ATXN1: variants seen among roughly 807,000 people sequenced by gnomAD.
The protein encoded by ATXN1 is ataxin-1.
In ATXN1, 8 loss-of-function variants were observed where a neutral mutation model predicts 56.4. The ratio of observed to expected loss-of-function variants is 0.14; its 90% CI spans 0.08 to 0.26. ATXN1 has a LOEUF of 0.26. Among genes scored for constraint, ATXN1 ranks in the 10% least tolerant of loss-of-function variants. The probability of loss-of-function intolerance (pLI) is 1.00; values close to 1 mark genes in which losing one functional copy is unlikely to be tolerated. For synonymous variants in ATXN1, 514 were observed against 494.6 expected, an observed-to-expected ratio of 1.04 and a Z score of -0.52; for missense variants, 987 against 1,106.5, an observed-to-expected ratio of 0.89 and a Z score of 1.53.
At chr6:16,688,547 C>A (rs1364177395) in intron 2 of ATXN1, among the ~76,000 whole-genome samples, 1 of 152,156 alleles carries the variant, frequency 6.6e-6, no homozygotes, top group Non-Finnish European at 1.5e-5. Context: ...GATGAAGTAC[C>A]TGCTTAACAC....
At chr6:16,348,989 AATTC>A (rs1761508913) in intron 6 of ATXN1, among the ~76,000 whole-genome samples, 1 of 152,168 alleles carries the variant, frequency 6.6e-6, no homozygotes, top group Non-Finnish European at 1.5e-5. Context: ...AGGCCTAACT[AATTC>A]ATTTCTCTGT....
intron 4 of ATXN1, among the ~76,000 whole-genome samples, chr6:16,552,454 G>C (rs1394426295): frequency 6.6e-6 from 1 of 152,194 alleles, no homozygotes; most frequent in East Asian, 1.9e-4. Context: ...CGTTACGTTA[G>C]CAGAGAGAAG....
chr6:16,324,633 G>C (rs1019097237), intron 7 of ATXN1, among the ~76,000 whole-genome samples: 5 of 152,170 alleles, frequency 3.3e-5, no homozygotes, highest in African/African-American at 1.2e-4. Context: ...CTTGTAGAAA[G>C]TACGCTCGAT....
chr6:16,544,611 G>A (rs937007382), intron 4 of ATXN1, among the ~76,000 whole-genome samples: 6 of 152,098 alleles, frequency 3.9e-5, no homozygotes, highest in East Asian at 1.9e-4. Flanking sequence ...TTCCAGGCGC[G>A]TTGGCGTGTT....
chr6:16,399,279 AT>A (rs1417013748), intron 6 of ATXN1, among the ~76,000 whole-genome samples: 1 of 152,164 alleles, frequency 6.6e-6, no homozygotes, highest in Non-Finnish European at 1.5e-5. Flanking sequence ...TGGAGTTTCC[AT>A]TTTATCTCAG....
intron 4 of ATXN1, among the ~76,000 whole-genome samples, chr6:16,544,711 A>C (rs1437913547): frequency 6.6e-6 from 1 of 152,204 alleles, no homozygotes; most frequent in Non-Finnish European, 1.5e-5. Context: ...AGCAGCAGCG[A>C]CCATGCAGGC....
chr6:16,644,672 T>TC (rs1453342544), intron 3 of ATXN1, among the ~76,000 whole-genome samples: 3 of 151,964 alleles, frequency 2.0e-5, no homozygotes, highest in African/African-American at 7.3e-5. Context: ...GATAGCCTGG[T>TC]CCCTGAGACA....
intron 6 of ATXN1, among the ~76,000 whole-genome samples, chr6:16,343,238 G>A (rs939554297): frequency 1.6e-4 from 24 of 152,120 alleles, no homozygotes; most frequent in African/African-American, 4.8e-4. Flanking sequence ...CCAGCTACTC[G>A]AGAGGCTGAG....
chr6:16,358,149 TA>T (rs1263179288), intron 6 of ATXN1, among the ~76,000 whole-genome samples: 1 of 151,848 alleles, frequency 6.6e-6, no homozygotes, highest in Non-Finnish European at 1.5e-5. Flanking sequence ...ATGGCCATAA[TA>T]AAAAAAATGA....
intron 5 of ATXN1, among the ~76,000 whole-genome samples, chr6:16,504,634 A>G (rs1335669963): frequency 6.6e-6 from 1 of 152,216 alleles, no homozygotes; most frequent in Non-Finnish European, 1.5e-5. Context: ...GCAAAGAAGG[A>G]AAAGGACTTG....
At chr6:16,567,535 C>T (rs1456067283) in intron 4 of ATXN1, among the ~76,000 whole-genome samples, 1 of 152,202 alleles carries the variant, frequency 6.6e-6, no homozygotes, top group Non-Finnish European at 1.5e-5. Context: ...GCACATCACC[C>T]TGACAATCTA....
chr6:16,611,301 G>A (rs1763101389), intron 3 of ATXN1, among the ~76,000 whole-genome samples: 1 of 152,004 alleles, frequency 6.6e-6, no homozygotes, highest in South Asian at 2.1e-4. Context: ...CAGAAATATA[G>A]GTCATATTTA....
chr6:16,394,875 A>G (rs146427563), intron 6 of ATXN1, among the ~76,000 whole-genome samples: 1 of 152,312 alleles, frequency 6.6e-6, no homozygotes, highest in Non-Finnish European at 1.5e-5. Flanking sequence ...AATTCATGGT[A>G]TAACTTTGTA....
intron 4 of ATXN1, among the ~76,000 whole-genome samples, chr6:16,533,448 T>C (rs1761541790): frequency 6.6e-6 from 1 of 152,194 alleles, no homozygotes; most frequent in African/African-American, 2.4e-5. Flanking sequence ...GAGAGCTCCT[T>C]TGATTCAGAG....
chr6:16,674,507 G>A (rs1260595605), intron 2 of ATXN1, among the ~76,000 whole-genome samples: 2 of 147,846 alleles, frequency 1.4e-5, no homozygotes, highest in African/African-American at 2.6e-5. Context: ...CCACCACCAC[G>A]CCCAGCTAAT....
chr6:16,505,495 T>A (rs1017716211), intron 5 of ATXN1, among the ~76,000 whole-genome samples: 1 of 152,156 alleles, frequency 6.6e-6, no homozygotes, highest in Non-Finnish European at 1.5e-5. Flanking sequence ...TATGGAAGGT[T>A]AAGTGCACTG....
At chr6:16,346,854 CT>C (rs1438722946) in intron 6 of ATXN1, among the ~76,000 whole-genome samples, 38 of 152,350 alleles carry the variant, frequency 2.5e-4, no homozygotes, top group South Asian at 1.0e-3. Flanking sequence ...CCAGAGCCGG[CT>C]CCCTCAGCTT....
rs567302225 is a variant in ATXN1, at chr6:16,632,471, G to A, written c.-489+25305C>T. 4.3e-4 allele frequency among the ~76,000 whole-genome samples: 66 copies of A among 152,252 alleles called. 1 individual carries two copies. The highest frequency in any genetic ancestry group is 1.2e-3 in the South Asian group (6 of 4,824). ...TCTTTGCTCTCCAAAGTTTTGATTT[G>A]AATTCACACAGGCAAGATTCTTGTC... On this transcript the variant is annotated intron_variant, in intron 3 of 7. Transcript: ENST00000436367.
intron 2 of ATXN1, among the ~76,000 whole-genome samples, chr6:16,695,488 T>C (rs569787634): frequency 3.1e-4 from 47 of 152,234 alleles, no homozygotes; most frequent in African/African-American, 1.1e-3. Context: ...GGTCATCATC[T>C]CCCAGGTACC....
Sources: allele counts gnomAD v4.1 joint callset (sites outside exome capture counted in the v4.1 genomes callset), GRCh38; gene constraint gnomAD v4.1.1; transcripts MANE v1.5; gene names NCBI Gene and HGNC (gene_info 2026-07-23, HGNC 2026-07-21).